Variants in IQSEC1 observed in about 807,000 individuals in gnomAD.
The protein encoded by IQSEC1 is IQ motif and SEC7 domain-containing protein 1.
In IQSEC1, 31 loss-of-function variants were observed where a neutral mutation model predicts 91.0. The ratio of observed to expected loss-of-function variants is 0.34; its 90% CI spans 0.26 to 0.46. IQSEC1 has a LOEUF of 0.46. IQSEC1 is among the 20% of genes least tolerant of loss of function. The pLI, the probability that IQSEC1 is intolerant of heterozygous loss-of-function variation, is 1.00. For missense variants in IQSEC1, 1,388 were observed against 1,575.6 expected (o/e 0.88, Z 2.02); for synonymous variants, 699 against 662.6 (o/e 1.05, Z -0.84).
At chr3:12,916,567 T>C (rs1456601737) in intron 6 of IQSEC1, among the ~76,000 whole-genome samples, 2 of 152,194 alleles carry the variant, frequency 1.3e-5, no homozygotes, top group African/African-American at 4.8e-5. Flanking sequence ...CTCCCACAGA[T>C]GGCTGGCAGG....
chr3:13,074,544 A>G (rs115196595), upstream of IQSEC1, among the ~76,000 whole-genome samples: 9,581 of 152,244 alleles, frequency 0.063, 376 homozygotes, highest in Middle Eastern at 0.21. Context: ...GTAATCCTCA[A>G]GACAACCCCA....
chr3:13,170,636 C>T (rs1234988274), intron 1 of IQSEC1, among the ~76,000 whole-genome samples: 2 of 152,222 alleles, frequency 1.3e-5, no homozygotes, highest in Non-Finnish European at 2.9e-5. Flanking sequence ...AAGAGGGCCG[C>T]TCTAGTCCAG....
chr3:13,031,788 C>T (rs747062986), intron 1 of IQSEC1, among the ~76,000 whole-genome samples: 5 of 151,998 alleles, frequency 3.3e-5, no homozygotes, highest in Admixed American at 6.6e-5. Context: ...GAGGAGAGGG[C>T]GGTGCTACAC....
intron 1 of IQSEC1, among the ~76,000 whole-genome samples, chr3:12,946,082 A>G (rs1228291392): frequency 6.6e-6 from 1 of 152,220 alleles, no homozygotes; most frequent in Admixed American, 6.5e-5. Flanking sequence ...AGAAACACAG[A>G]TACCTTAGTG....
At chr3:13,163,693 G>C (rs1559267490) in intron 2 of IQSEC1, among the ~76,000 whole-genome samples, 1 of 152,176 alleles carries the variant, frequency 6.6e-6, no homozygotes, top group African/African-American at 2.4e-5. Flanking sequence ...AGGCTGGTTA[G>C]AGCCGGGCCC....
chr3:13,201,768 G>T (rs1298801086), intron 1 of IQSEC1, among the ~76,000 whole-genome samples: 1 of 152,182 alleles, frequency 6.6e-6, no homozygotes, highest in African/African-American at 2.4e-5. Context: ...TTGTCCAGAG[G>T]GGAAACAGCA....
In IQSEC1 at chr3:13,117,569, C is replaced by CAAAAAAAAAAA. The variant is rs34002295; in HGVS notation, c.302+46524_302+46534dup. Reference sequence around the variant, plus strand: ...CTGGTGACAGAGCAAGACTCCGTCTCAAAAAAAAAAAAAAAAAAAAAAAAA... The same window carrying CAAAAAAAAAAA: ...CTGGTGACAGAGCAAGACTCCGTCTCAAAAAAAAAAAAAAAAAAAAAAAAAAAAAAAAAAAA... On this transcript the variant is annotated intron_variant, in intron 2 of 15. Coordinates refer to the IQSEC1 transcript ENST00000648114. Among the ~76,000 whole-genome samples, 6 of 9,462 alleles carry CAAAAAAAAAAA rather than the reference C, an allele frequency of 6.3e-4. 1 individual carries two copies. Among genetic ancestry groups the CAAAAAAAAAAA allele is most frequent in the African/African-American group, 1.3e-3 (3 of 2,352 alleles). 6.2% of individuals were successfully genotyped at this position (9,462 alleles called of 152,430 possible). A position where few individuals can be genotyped will look rare whatever the true frequency, so the allele number is the denominator to read the frequency against.
At chr3:12,976,794 GA>G (rs564441879) in intron 1 of IQSEC1, among the ~76,000 whole-genome samples, 193 of 152,278 alleles carry the variant, frequency 1.3e-3, no homozygotes, top group African/African-American at 3.7e-3. Context: ...CTGGACAGGT[GA>G]ATCATGTTGA....
intron 1 of IQSEC1, among the ~76,000 whole-genome samples, chr3:13,028,614 A>G (rs1343881450): frequency 1.3e-5 from 2 of 152,232 alleles, no homozygotes; most frequent in Non-Finnish European, 1.5e-5. Context: ...CCCAGATGGA[A>G]GGACTCACAT....
chr3:12,969,748 GCC>G (rs1256064163), intron 1 of IQSEC1, among the ~76,000 whole-genome samples: 1 of 152,210 alleles, frequency 6.6e-6, no homozygotes, highest in Non-Finnish European at 1.5e-5. Context: ...GGGCCCTGCC[GCC>G]CAGCAGGATG....
At chr3:12,905,745 T>G (rs577855024) in intron 12 of IQSEC1, among the ~76,000 whole-genome samples, 2 of 152,338 alleles carry the variant, frequency 1.3e-5, no homozygotes, top group East Asian at 3.9e-4. Flanking sequence ...TGCTCCCCTG[T>G]AACGGGACAT....
intron 2 of IQSEC1, among the ~76,000 whole-genome samples, chr3:13,102,575 T>C (rs1465914519): frequency 1.3e-5 from 2 of 152,140 alleles, no homozygotes; most frequent in Non-Finnish European, 2.9e-5. Flanking sequence ...GAGCCCATGG[T>C]TCTCCACAGC....
intron 1 of IQSEC1, among the ~76,000 whole-genome samples, chr3:13,027,246 A>AG (rs1166531936): frequency 1.3e-5 from 2 of 152,354 alleles, no homozygotes; most frequent in East Asian, 3.9e-4. Flanking sequence ...CCTCCCAGGC[A>AG]GCTGGCATCC....
intron 1 of IQSEC1, among the ~76,000 whole-genome samples, chr3:13,041,576 C>T (rs1273247661): frequency 6.6e-6 from 1 of 152,166 alleles, no homozygotes; most frequent in African/African-American, 2.4e-5. Flanking sequence ...ACCATGGCGA[C>T]GGCTCCATGA....
At chr3:13,105,377 C>T (rs1463300340) in intron 2 of IQSEC1, among the ~76,000 whole-genome samples, 4 of 152,206 alleles carry the variant, frequency 2.6e-5, no homozygotes, top group African/African-American at 9.7e-5. Flanking sequence ...GGTTCTCCCG[C>T]TGTCCTCTGG....
At chr3:13,197,426 G>A (rs537059195) in intron 1 of IQSEC1, among the ~76,000 whole-genome samples, 5 of 152,292 alleles carry the variant, frequency 3.3e-5, no homozygotes, top group Admixed American at 1.3e-4. Context: ...ACGTGCTGGT[G>A]CCCGGCCCCA....
chr3:13,122,932 G>A (rs994361120), intron 2 of IQSEC1, among the ~76,000 whole-genome samples: 1 of 152,208 alleles, frequency 6.6e-6, no homozygotes, highest in Non-Finnish European at 1.5e-5. Flanking sequence ...CCAGGACACA[G>A]GCTGGTGACC....
intron 1 of IQSEC1, among the ~76,000 whole-genome samples, chr3:12,946,066 T>C (rs1206033274): frequency 2.6e-5 from 4 of 152,222 alleles, no homozygotes; most frequent in African/African-American, 9.6e-5. Flanking sequence ...TTTCCCTTTC[T>C]AGGGCAGAAA....
At position 12,987,742 on chromosome 3, in the gene IQSEC1, G is replaced by A. The variant is rs368858361; in HGVS notation, c.24-45877C>T. On this transcript the variant is annotated intron_variant, in intron 1 of 13. Transcript: ENST00000613206. ...TAGCACCCAAAGAAGCCTCCAAATC[G>A]TAAAGAAATAAAAAGACAGCCCAAG... is the stretch of plus-strand genomic sequence containing the variant. Among the ~76,000 whole-genome samples the A allele has an allele frequency of 1.3e-3, 195 of 152,268 alleles. 1 individual carries two copies. The highest frequency in any genetic ancestry group is 4.4e-3 in the African/African-American group (184 of 41,558).
Sources: allele counts gnomAD v4.1 joint callset (sites outside exome capture counted in the v4.1 genomes callset), GRCh38; gene constraint gnomAD v4.1.1; transcripts MANE v1.5; gene names NCBI Gene and HGNC (gene_info 2026-07-23, HGNC 2026-07-21).